Variants in C10orf71 observed in about 807,000 individuals in gnomAD.
C10orf71 encodes the protein chromosome 10 open reading frame 71, also known as cardiac-enriched FHL2-interacting protein.
For synonymous variants in C10orf71, 758 were observed against 726.3 expected, an observed-to-expected ratio of 1.04 and a Z score of -0.70; for missense variants, 1,869 against 1,804.5, an observed-to-expected ratio of 1.04 and a Z score of -0.65.
At chr10:49,303,495 G>C (rs191462683) in intron 1 of C10orf71, among the ~76,000 whole-genome samples, 1 of 152,302 alleles carries the variant, frequency 6.6e-6, no homozygotes, top group East Asian at 1.9e-4. Flanking sequence ...GCTTTCTCCA[G>C]GTGCGGTCTC....
chr10:49,297,919 C>T (rs867732884), upstream of C10orf71, among the ~76,000 whole-genome samples: 1 of 152,234 alleles, frequency 6.6e-6, no homozygotes. Flanking sequence ...ATCATCCCCA[C>T]AGCGAGGTTC....
upstream of C10orf71, among the ~76,000 whole-genome samples, chr10:49,297,224 C>A (rs1387997639): frequency 6.6e-6 from 1 of 152,230 alleles, no homozygotes; most frequent in Non-Finnish European, 1.5e-5. Context: ...CCTGCCGAAG[C>A]TTTCAGCTCA....
chr10:49,325,362 G>C lies in C10orf71; in HGVS notation c.2817G>C (p.Gly939=), dbSNP rs537581571. The part of the protein sequence containing the change: ...CMANEVMEDP[G]QGSSMARMEA... ...CCAACGAGGTCATGGAGGACCCTGG[G>C]CAGGGGTCGAGCATGGCCAGGATGG... The change falls in exon 3 of 3, where the codon GGG becomes GGC. Residue 939 remains glycine, a synonymous_variant. Transcript: ENST00000374144. 1.1e-5 allele frequency: 17 copies of C among 1,551,736 alleles called. No individual in the cohort carries two copies. The African/African-American group carries it at 2.2e-4, about 20-fold the overall frequency.
chr10:49,315,743 C>T lies in C10orf71; in HGVS notation c.-247-402C>T, dbSNP rs528707357. On this transcript the variant is annotated intron_variant, in intron 1 of 2. Transcript: ENST00000374144. The stretch of plus-strand genomic sequence containing the variant: ...TTTCATTTTTGAAGGCCAACTACAT[C>T]GTTGTATAACTGACATTTAAAGATA... Among the ~76,000 whole-genome samples the T allele has an allele frequency of 7.9e-5, 12 of 152,316 alleles. No homozygotes were observed. In the East Asian group the frequency reaches 2.1e-3, roughly 27 times the overall value.
In C10orf71 at chr10:49,313,887, C is replaced by T. The variant is rs114073143; in HGVS notation, c.-247-2258C>T. Reference sequence around the variant, plus strand: ...AGCCAGGCAAATGGCCTGGCCTGGACGCTGCCTCAGTGCGTGGATGTTTGC... The same window carrying T: ...AGCCAGGCAAATGGCCTGGCCTGGATGCTGCCTCAGTGCGTGGATGTTTGC... On this transcript the variant is annotated intron_variant, in intron 1 of 2. Coordinates refer to ENST00000374144, the MANE Select transcript of C10orf71 (RefSeq NM_001135196.2). Among the ~76,000 whole-genome samples, 738 of 152,272 alleles carry T rather than the reference C, an allele frequency of 4.8e-3. 10 individuals are homozygous for T. Among genetic ancestry groups the T allele is most frequent in the African/African-American group, 0.017 (706 of 41,554 alleles).
At position 49,325,040 on chromosome 10, in the gene C10orf71, G is replaced by C. The variant is rs545081510; in HGVS notation, c.2495G>C (p.Gly832Ala). The change falls in exon 3 of 3, where the codon GGC (glycine) becomes GCC (alanine). Residue 832 changes from glycine to alanine, a missense_variant. Physicochemically the swap from Gly to Ala is moderately conservative, Grantham distance 60. Transcript: ENST00000374144. The stretch of plus-strand genomic sequence containing the variant: ...GGCTCTTGGATTGGGGAAAATAAGG[G>C]CACAACCTTTTCACAGGCCAAAGAC... The part of the protein sequence containing the change: ...FRGSWIGENK[G>A]TTFSQAKDLT... 1.2e-5 allele frequency: 19 copies of C among 1,551,716 alleles called. No individual in the cohort carries two copies. The South Asian group carries it at 1.7e-4, about 14-fold the overall frequency.
rs1372614365 is a variant in C10orf71, at chr10:49,326,715, T to G, written c.4170T>G (p.Gly1390=). Residue 1390 remains glycine (G), a synonymous_variant, in exon 3 of 3, where the codon GGT becomes GGG. Coordinates refer to ENST00000374144, the MANE Select transcript of C10orf71 (RefSeq NM_001135196.2). ...TACAGCTGGACCCAGGGCCTCACGG[T>G]GACTGCACCCCGCACTCTGCAGGCC... The part of the protein sequence containing the change: ...SGLQLDPGPH[G]DCTPHSAGQR... 19 of 1,550,916 alleles carry G rather than the reference T, an allele frequency of 1.2e-5. No homozygotes were observed. The highest frequency in any genetic ancestry group is 1.7e-5 in the Non-Finnish European group (19 of 1,146,938).
At chr10:49,302,069 C>G (rs771341488) in intron 1 of C10orf71, among the ~76,000 whole-genome samples, 2 of 152,188 alleles carry the variant, frequency 1.3e-5, no homozygotes, top group Non-Finnish European at 2.9e-5. Flanking sequence ...TGGGATATCT[C>G]CCACCTCAAA....
chr10:49,323,993 C>T lies in C10orf71; in HGVS notation c.1448C>T (p.Pro483Leu). The T allele has an allele frequency of 6.2e-7, 1 of 1,613,552 alleles. No homozygotes were observed. Among genetic ancestry groups the T allele is most frequent in the Non-Finnish European group, 8.5e-7 (1 of 1,179,694 alleles). ...GQLNGYQEKE[P>L]SECQSRDSYK... ...CTAAACGGATACCAAGAGAAGGAGC[C>T]CAGTGAATGTCAGTCTCGAGACAGC... The change falls in exon 3 of 3, where the codon CCC becomes CTC. Residue 483 changes from proline (P) to leucine (L), a missense_variant. Coordinates refer to ENST00000374144, the MANE Select transcript of C10orf71 (RefSeq NM_001135196.2).
chr10:49,298,477 G>T (rs927023729), upstream of C10orf71, among the ~76,000 whole-genome samples: 3 of 152,204 alleles, frequency 2.0e-5, no homozygotes, highest in African/African-American at 7.2e-5. Context: ...AAAGTTGGGG[G>T]ATCTGTGGGC....
At position 49,327,100 on chromosome 10, in the gene C10orf71, T is replaced by G. The variant is rs930475115; in HGVS notation, c.*247T>G. The G allele has an allele frequency of 7.3e-6, 10 of 1,367,394 alleles. No individual in the cohort carries two copies. In the African/African-American group the frequency reaches 1.3e-4, roughly 18 times the overall value. The allele number at this position is 1,367,394 out of a possible 1,614,324, so 84.7% of individuals were successfully genotyped here. A position where few individuals can be genotyped will look rare whatever the true frequency, so the allele number is the denominator to read the frequency against. ...TGCTTGCTTGGCCCGGTCCCCTCCG[T>G]GCCAGTTCCCAGGCGCACTCTACTC... is the stretch of plus-strand genomic sequence containing the variant. On this transcript the variant is annotated 3_prime_UTR_variant, in exon 3 of 3. Coordinates refer to ENST00000374144, the MANE Select transcript of C10orf71 (RefSeq NM_001135196.2).
At chr10:49,305,760 T>G (rs188543564) in intron 1 of C10orf71, among the ~76,000 whole-genome samples, 2 of 152,322 alleles carry the variant, frequency 1.3e-5, no homozygotes, top group East Asian at 3.9e-4. Flanking sequence ...GATGAAAATC[T>G]AGCATTACCA....
In C10orf71 at chr10:49,324,667, G is replaced by C. The variant is rs539537024; in HGVS notation, c.2122G>C (p.Asp708His). Residue 708 changes from aspartate (D) to histidine (H), a missense_variant, in exon 3 of 3, where the codon GAT becomes CAT. Asp to His is a moderately conservative substitution (Grantham distance 81). Transcript: ENST00000374144. ...FPGPLSPEEE[D>H]VFYSDSQSDF... ...AGGGCCCCTCTCTCCTGAGGAGGAA[G>C]ATGTGTTTTACAGTGACAGCCAATC... 13 of 1,612,666 alleles carry C rather than the reference G, an allele frequency of 8.1e-6. No individual in the cohort carries two copies. The highest frequency in any genetic ancestry group is 1.1e-5 in the Non-Finnish European group (13 of 1,179,414).
intron 1 of C10orf71, among the ~76,000 whole-genome samples, chr10:49,306,492 C>A (rs1190738793): frequency 6.6e-6 from 1 of 152,180 alleles, no homozygotes; most frequent in Non-Finnish European, 1.5e-5. Context: ...GAATCCAGGG[C>A]AAGATGTTCC....
In C10orf71 at chr10:49,327,202, G is replaced by A. The variant is rs1849279845; in HGVS notation, c.*349G>A. 3.9e-6 allele frequency: 2 copies of A among 511,494 alleles called. No individual in the cohort carries two copies. Among genetic ancestry groups the A allele is most frequent in the Non-Finnish European group, 6.6e-6 (2 of 305,166 alleles). 31.7% of individuals were successfully genotyped at this position (511,494 alleles called of 1,614,324 possible). ...CCCTCGCCCTGCAAATTAGGTGGGT[G>A]TGGCAAGGGCACCGCCTGGTCCCAA... On this transcript the variant is annotated 3_prime_UTR_variant, in exon 3 of 3. Transcript: ENST00000374144.
At chr10:49,320,501 G>T (rs1231156158) in intron 2 of C10orf71, among the ~76,000 whole-genome samples, 4 of 152,200 alleles carry the variant, frequency 2.6e-5, no homozygotes, top group Non-Finnish European at 5.9e-5. Context: ...CATATGCCTG[G>T]CACTGACAGT....
At position 49,324,132 on chromosome 10, in the gene C10orf71, T is replaced by G; in HGVS notation, c.1587T>G (p.Gly529=). ...LLKVLDEKTR[G]KVDGKQEPVS... is the part of the protein sequence containing the mutation. ...AAGTGCTTGATGAGAAAACTAGAGG[T>G]AAGGTTGATGGAAAGCAAGAACCTG... Residue 529 remains glycine (G), a synonymous_variant, in exon 3 of 3, where the codon GGT becomes GGG. Transcript: ENST00000374144. 6.2e-7 allele frequency: 1 copy of G among 1,613,822 alleles called. No homozygotes were observed. The highest frequency in any genetic ancestry group is 8.5e-7 in the Non-Finnish European group (1 of 1,179,866).
chr10:49,303,969 C>T (rs1381186877), intron 1 of C10orf71, among the ~76,000 whole-genome samples: 3 of 152,200 alleles, frequency 2.0e-5, no homozygotes, highest in Admixed American at 6.5e-5. Context: ...CCAGGCACAG[C>T]TTCAGACCTA....
At chr10:49,316,382 A>G (rs1185625232) in intron 2 of C10orf71, 135 bp downstream of exon 2, 13 of 152,200 alleles carry the variant, frequency 8.5e-5, no homozygotes, top group Admixed American at 8.5e-4. Context: ...CCCCAGGTAT[A>G]TCAAATCAGA....
Sources: allele counts gnomAD v4.1 joint callset (sites outside exome capture counted in the v4.1 genomes callset), GRCh38; gene constraint gnomAD v4.1.1; transcripts MANE v1.5; gene names NCBI Gene and HGNC (gene_info 2026-07-23, HGNC 2026-07-21).